USP13: variants seen among roughly 807,000 people sequenced by gnomAD.
USP13 encodes the protein ubiquitin carboxyl-terminal hydrolase 13.
In USP13, 68 loss-of-function variants were observed where a neutral mutation model predicts 107.8. The observed-to-expected ratio is 0.63, with a 90% CI of 0.52 to 0.77. The LOEUF (loss-of-function observed/expected upper bound fraction) is 0.77, where lower values mean the gene tolerates loss of function less well. Ranked by LOEUF, USP13 falls within the 30% of genes least tolerant of loss-of-function variation. USP13 has a pLI of 0.00. For synonymous variants in USP13, 377 were observed against 389.5 expected, an observed-to-expected ratio of 0.97 and a Z score of 0.38; for missense variants, 945 against 1,093.3, an observed-to-expected ratio of 0.86 and a Z score of 1.91.
At chr3:179,757,240 C>G (rs1156882895) in intron 16 of USP13, 162 bp downstream of exon 16, 2 of 726,036 alleles carry the variant, frequency 2.8e-6, no homozygotes, top group Non-Finnish European at 4.6e-6. Context: ...ACATGCTGAT[C>G]AGGTGGCCCA....
chr3:179,788,521 C>T lies in USP13; in HGVS notation c.*4380C>T, dbSNP rs1183989345. The T allele has an allele frequency of 6.6e-6, 1 of 152,026 alleles. No homozygotes were observed. Among genetic ancestry groups the T allele is most frequent in the Non-Finnish European group, 1.5e-5 (1 of 68,020 alleles). 9.4% of individuals were successfully genotyped at this position (152,026 alleles called of 1,614,324 possible). A position where few individuals can be genotyped will look rare whatever the true frequency, so the allele number is the denominator to read the frequency against. ...TACAATACACACCAGATTTTGAAGG[C>T]TTGGTACCAAAAAGGAATTTAAAAT... On this transcript the variant is annotated 3_prime_UTR_variant, in exon 21 of 21. Transcript: ENST00000263966.
intron 19 of USP13, among the ~76,000 whole-genome samples, chr3:179,772,280 A>G (rs1715364495): frequency 6.6e-6 from 1 of 152,200 alleles, no homozygotes; most frequent in African/African-American, 2.4e-5. Flanking sequence ...GTGCAAAATC[A>G]TTTCTGTTTT....
intron 15 of USP13, among the ~76,000 whole-genome samples, chr3:179,756,754 G>A (rs2108529593): frequency 6.6e-6 from 1 of 152,130 alleles, no homozygotes; most frequent in East Asian, 1.9e-4. Context: ...GTCAGACACT[G>A]TCTCCAAAAA....
At chr3:179,657,158 G>C (rs2073696810) in intron 1 of USP13, among the ~76,000 whole-genome samples, 1 of 152,158 alleles carries the variant, frequency 6.6e-6, no homozygotes, top group East Asian at 1.9e-4. Flanking sequence ...TTATTTTGTG[G>C]ATTAAATAAA....
At chr3:179,744,270 G>C (rs1454152251) in intron 12 of USP13, among the ~76,000 whole-genome samples, 1 of 151,984 alleles carries the variant, frequency 6.6e-6, no homozygotes, top group Non-Finnish European at 1.5e-5. Context: ...TCTAATCATA[G>C]TTGCTGGTGG....
chr3:179,674,220 C>T (rs1720827859), intron 1 of USP13, among the ~76,000 whole-genome samples: 2 of 152,142 alleles, frequency 1.3e-5, no homozygotes, highest in South Asian at 4.1e-4. Context: ...AGCAACTTGA[C>T]ATTGCAGCCA....
chr3:179,788,303 G>A lies in USP13; in HGVS notation c.*4162G>A, dbSNP rs1715968458. On this transcript the variant is annotated 3_prime_UTR_variant, in exon 21 of 21. Transcript: ENST00000263966. Reference sequence around the variant, plus strand: ...AAAGAAATCCTACGCTATAGAACAAGGTTCTGTACTCTTGAGTTGGTGTCT... The same window carrying A: ...AAAGAAATCCTACGCTATAGAACAAAGTTCTGTACTCTTGAGTTGGTGTCT... 1 of 152,152 alleles carries A rather than the reference G, an allele frequency of 6.6e-6. No homozygotes were observed. The highest frequency in any genetic ancestry group is 1.5e-5 in the Non-Finnish European group (1 of 68,028). 9.4% of individuals were successfully genotyped at this position (152,152 alleles called of 1,614,324 possible).
intron 4 of USP13, among the ~76,000 whole-genome samples, chr3:179,704,908 G>A (rs534739661): frequency 6.6e-6 from 1 of 152,230 alleles, no homozygotes; most frequent in South Asian, 2.1e-4. Context: ...ACCTTGGAGA[G>A]TTTTAAGCTG....
At chr3:179,703,788 T>C (rs925481672) in intron 4 of USP13, among the ~76,000 whole-genome samples, 2 of 152,210 alleles carry the variant, frequency 1.3e-5, no homozygotes, top group African/African-American at 2.4e-5. Flanking sequence ...AACACATAGA[T>C]AATAATGAGA....
At chr3:179,729,700 G>C (rs928956686) in intron 8 of USP13, among the ~76,000 whole-genome samples, 4 of 152,100 alleles carry the variant, frequency 2.6e-5, no homozygotes, top group African/African-American at 7.2e-5. Context: ...TTGAACTCCT[G>C]ACCTCCGATG....
rs868531077 is a variant in USP13 at position 179,761,204 on chromosome 3, A to T, written c.2041A>T (p.Met681Leu). Residue 681 changes from methionine (M) to leucine (L), a missense_variant, in exon 17 of 21, where the codon ATG (methionine) becomes TTG (leucine). Coordinates refer to ENST00000263966, the MANE Select transcript of USP13 (RefSeq NM_003940.3). The stretch of plus-strand genomic sequence containing the variant: ...CAAGGCTGTGTACTTCACTGGAAAT[A>T]TGGGCGCCGAGGTGGCCTTCAACTG... The part of the protein sequence containing the change: ...CRKAVYFTGN[M>L]GAEVAFNWII... 1 of 1,614,192 alleles carries T rather than the reference A, an allele frequency of 6.2e-7. No homozygotes were observed. Among genetic ancestry groups the T allele is most frequent in the African/African-American group, 1.3e-5 (1 of 75,050 alleles).
chr3:179,760,209 A>G (rs954831327), intron 16 of USP13, among the ~76,000 whole-genome samples: 1 of 151,766 alleles, frequency 6.6e-6, no homozygotes, highest in East Asian at 1.9e-4. Flanking sequence ...ATCAGTATCT[A>G]TATGTTATTA....
At position 179,657,780 on chromosome 3, in the gene USP13, A is replaced by AG. The variant is rs1199415682; in HGVS notation, c.168+4387_168+4388insG. 8.0e-3 allele frequency among the ~76,000 whole-genome samples: 1,173 copies of AG among 145,718 alleles called. 41 individuals are homozygous for AG. The East Asian group carries it at 0.091, about 11-fold the overall frequency. The stretch of plus-strand genomic sequence containing the variant: ...TCCGTCTCAAAAAAAAAAAAAAAAA[A>AG]AAAAAAGAAAGAAAAAGAGTTAATC... On this transcript the variant is annotated intron_variant, in intron 1 of 20. Transcript: ENST00000263966.
intron 4 of USP13, among the ~76,000 whole-genome samples, chr3:179,705,723 T>TA (rs200413180): frequency 3.9e-5 from 6 of 152,154 alleles, no homozygotes; most frequent in Admixed American, 6.5e-5. Context: ...TATTTTTTAT[T>TA]AAAAAAATTT....
chr3:179,666,972 T>C (rs1720605635), intron 1 of USP13, among the ~76,000 whole-genome samples: 1 of 152,214 alleles, frequency 6.6e-6, no homozygotes, highest in Non-Finnish European at 1.5e-5. Flanking sequence ...AGCCTTGGTT[T>C]CCCCCTCTGT....
intron 2 of USP13, among the ~76,000 whole-genome samples, chr3:179,684,022 G>A (rs983903053): frequency 2.6e-5 from 4 of 151,724 alleles, no homozygotes; most frequent in East Asian, 1.9e-4. Flanking sequence ...GTGCAGTGGC[G>A]CGATCTTGGC....
intron 3 of USP13, among the ~76,000 whole-genome samples, chr3:179,694,957 C>T (rs1712241773): frequency 6.6e-6 from 1 of 152,174 alleles, no homozygotes; most frequent in Non-Finnish European, 1.5e-5. Context: ...GTCACGTGGC[C>T]ACATCTAGCT....
chr3:179,783,642 A>G (rs1240445703), intron 20 of USP13, among the ~76,000 whole-genome samples: 1 of 152,174 alleles, frequency 6.6e-6, no homozygotes, highest in Non-Finnish European at 1.5e-5. Flanking sequence ...TATGGGATCA[A>G]AGGTTAAAAT....
intron 12 of USP13, 72 bp from the exon 13 acceptor site, chr3:179,744,971 T>C: frequency 6.3e-7 from 1 of 1,583,052 alleles, no homozygotes; most frequent in Non-Finnish European, 8.6e-7. Context: ...GGGAAGACTG[T>C]CCAAAGAGGG....
Sources: allele counts gnomAD v4.1 joint callset (sites outside exome capture counted in the v4.1 genomes callset), GRCh38; gene constraint gnomAD v4.1.1; transcripts MANE v1.5; gene names NCBI Gene and HGNC (gene_info 2026-07-23, HGNC 2026-07-21).